TMCC2: variants seen among roughly 807,000 people sequenced by gnomAD.
The protein encoded by TMCC2 is transmembrane and coiled-coil domains protein 2.
Under a neutral mutation model 49.4 loss-of-function variants are expected in TMCC2, and 16 were observed. That is an observed-to-expected ratio of 0.32 (90% CI 0.22 to 0.49). The LOEUF is 0.49. Ranked by LOEUF, TMCC2 falls within the 20% of genes least tolerant of loss-of-function variation. TMCC2 has a pLI of 0.99. For missense variants in TMCC2, 762 were observed against 989.8 expected (o/e 0.77, Z 3.09); for synonymous variants, 397 against 434.1 (o/e 0.91, Z 1.06).
intron 2 of TMCC2, among the ~76,000 whole-genome samples, chr1:205,260,302 C>A (rs1661054292): frequency 6.6e-6 from 1 of 152,176 alleles, no homozygotes; most frequent in Admixed American, 6.5e-5. Context: ...CTGTGATGGT[C>A]TGGAGAGAGG....
At chr1:205,265,780 C>G (rs992918141) in intron 2 of TMCC2, among the ~76,000 whole-genome samples, 1 of 150,774 alleles carries the variant, frequency 6.6e-6, no homozygotes, top group East Asian at 2.0e-4. Flanking sequence ...AGGCTGGTCT[C>G]GAACCCCTGA....
At chr1:205,246,034 C>T (rs938559556) in intron 2 of TMCC2, among the ~76,000 whole-genome samples, 21 of 152,066 alleles carry the variant, frequency 1.4e-4, no homozygotes, top group African/African-American at 5.1e-4. Flanking sequence ...TCCTCAGCCT[C>T]CCGAAGTGCT....
intron 1 of TMCC2, among the ~76,000 whole-genome samples, chr1:205,239,946 T>G (rs1163407611): frequency 1.3e-5 from 2 of 152,178 alleles, no homozygotes; most frequent in African/African-American, 2.4e-5. Flanking sequence ...GGTCTAGATT[T>G]TCTGCTCTGT....
chr1:205,238,854 T>C (rs1203971836), intron 1 of TMCC2, among the ~76,000 whole-genome samples: 1 of 152,242 alleles, frequency 6.6e-6, no homozygotes, highest in Non-Finnish European at 1.5e-5. Context: ...ACACTGATGC[T>C]GTGACATCTC....
chr1:205,242,325 A>G (rs1323227479), intron 2 of TMCC2, among the ~76,000 whole-genome samples: 1 of 152,224 alleles, frequency 6.6e-6, no homozygotes, highest in East Asian at 1.9e-4. Flanking sequence ...TAAATGGGCT[A>G]TCAAGAGGCA....
chr1:205,233,485 G>A (rs1450670492), intron 1 of TMCC2, among the ~76,000 whole-genome samples: 2 of 152,142 alleles, frequency 1.3e-5, no homozygotes, highest in South Asian at 2.1e-4. Context: ...ACTGAGTCCT[G>A]TGTGGTTCTC....
intron 1 of TMCC2, chr1:205,229,562 T>TGGGGGGGGGGGGGGGGGGGGGGGGGGGG (rs1659707258): frequency 2.2e-6 from 1 of 453,360 alleles, no homozygotes; most frequent in Non-Finnish European, 2.4e-6. Context: ...GGGGGGGTGG[T>TGGGGGGGGGGGGGGGGGGGGGGGGGGGG]GGCGGGGGCG....
At chr1:205,244,923 T>A (rs572185337) in intron 2 of TMCC2, among the ~76,000 whole-genome samples, 23 of 151,480 alleles carry the variant, frequency 1.5e-4, no homozygotes, top group Non-Finnish European at 2.9e-4. Context: ...AGTTTACAAT[T>A]TGGGGGGTGG....
intron 2 of TMCC2, among the ~76,000 whole-genome samples, chr1:205,248,436 T>A (rs1220370263): frequency 6.6e-6 from 1 of 152,206 alleles, no homozygotes; most frequent in Non-Finnish European, 1.5e-5. Context: ...CATCTCAGCC[T>A]CGCCATTCTG....
At chr1:205,234,362 C>T (rs554537147) in intron 1 of TMCC2, among the ~76,000 whole-genome samples, 8 of 152,228 alleles carry the variant, frequency 5.3e-5, no homozygotes, top group African/African-American at 1.9e-4. Flanking sequence ...AGGAGAATTG[C>T]TTGAACCTGG....
At chr1:205,260,058 G>A (rs1661042652) in intron 2 of TMCC2, among the ~76,000 whole-genome samples, 1 of 152,190 alleles carries the variant, frequency 6.6e-6, no homozygotes, top group South Asian at 2.1e-4. Flanking sequence ...GGGCATTCTG[G>A]TGTGGAGGGG....
Position 205,228,107 on chromosome 1 carries a change from C to T in TMCC2, c.-458C>T, listed in dbSNP as rs1203224323. The T allele has an allele frequency of 2.0e-5, 3 of 148,966 alleles. No homozygotes were observed. Among genetic ancestry groups the T allele is most frequent in the East Asian group, 2.0e-4 (1 of 5,088 alleles). 9.2% of individuals were successfully genotyped at this position (148,966 alleles called of 1,614,324 possible). Reference sequence around the variant, plus strand: ...CGGTTGCAGGGCCGGGGGCTGCAGCCGGCGCCGATGGCGGCCGACTAGGAC... The same window carrying T: ...CGGTTGCAGGGCCGGGGGCTGCAGCTGGCGCCGATGGCGGCCGACTAGGAC... On this transcript the variant is annotated 5_prime_UTR_variant, in exon 1 of 5. Coordinates refer to ENST00000358024, the MANE Select transcript of TMCC2 (RefSeq NM_014858.4).
chr1:205,259,287 C>T lies in TMCC2; in HGVS notation c.748-9663C>T, dbSNP rs951887422. On this transcript the variant is annotated intron_variant, in intron 2 of 4. Coordinates refer to ENST00000358024, the MANE Select transcript of TMCC2 (RefSeq NM_014858.4). ...AGAAGGCCCCTTTCTCCCTGTCAGCCTGCTGTGGGGACCCTAACGGGTTCT... is the reference window on the plus strand; with the variant it reads ...AGAAGGCCCCTTTCTCCCTGTCAGCTTGCTGTGGGGACCCTAACGGGTTCT... Among the ~76,000 whole-genome samples, 102 of 124,016 alleles carry T rather than the reference C, an allele frequency of 8.2e-4. 1 individual carries two copies. Among genetic ancestry groups the T allele is most frequent in the Admixed American group, 2.4e-4 (3 of 12,286 alleles). 81.4% of individuals were successfully genotyped at this position (124,016 alleles called of 152,430 possible). A position where few individuals can be genotyped will look rare whatever the true frequency, so the allele number is the denominator to read the frequency against.
chr1:205,269,161 T>C lies in TMCC2; in HGVS notation c.959T>C (p.Leu320Pro). Reference sequence around the variant, plus strand: ...GACAATGTGGCAGAGTATCTGAAACTGGCCAACAACGCGGACAAGCAGCAG... The same window carrying C: ...GACAATGTGGCAGAGTATCTGAAACCGGCCAACAACGCGGACAAGCAGCAG... ...RDDNVAEYLK[L>P]ANNADKQQVS... The change falls in exon 3 of 5, where the codon CTG becomes CCG. Residue 320 changes from leucine to proline, a missense_variant. Leu to Pro is a moderately conservative substitution (Grantham distance 98). This residue lies in a region of TMCC2 where 440 missense variants were observed against 636.7 expected (regional missense o/e 0.69). Transcript: ENST00000358024. 6.2e-7 allele frequency: 1 copy of C among 1,614,120 alleles called. No individual in the cohort carries two copies. Among genetic ancestry groups the C allele is most frequent in the Non-Finnish European group, 8.5e-7 (1 of 1,180,026 alleles).
chr1:205,258,049 G>T (rs2102585329), intron 2 of TMCC2, among the ~76,000 whole-genome samples: 1 of 152,244 alleles, frequency 6.6e-6, no homozygotes, highest in East Asian at 1.9e-4. Context: ...TAGATGAGAG[G>T]GATGTCTCCA....
At chr1:205,229,144 T>C (rs1015742083) in intron 1 of TMCC2, 1 of 1,092,422 alleles carries the variant, frequency 9.2e-7, no homozygotes, top group South Asian at 2.7e-5. Flanking sequence ...TCTCTACCCA[T>C]TGGGATCTTT....
At chr1:205,263,202 G>A (rs1236702595) in intron 2 of TMCC2, among the ~76,000 whole-genome samples, 2 of 152,176 alleles carry the variant, frequency 1.3e-5, no homozygotes, top group South Asian at 4.1e-4. Context: ...AGTCTGCATG[G>A]AGACCAGTGA....
In TMCC2 at chr1:205,243,816, G is replaced by C. The variant is rs530948888; in HGVS notation, c.747+1772G>C. On this transcript the variant is annotated intron_variant, in intron 2 of 4. Coordinates refer to ENST00000358024, the MANE Select transcript of TMCC2 (RefSeq NM_014858.4). ...CAGGGCCAGTGCTCTGGGAGCTGGC[G>C]CTGAGGTTGAAATCATGGGTGTGGG... 7.9e-5 allele frequency among the ~76,000 whole-genome samples: 12 copies of C among 152,298 alleles called. No homozygotes were observed. In the East Asian group the frequency reaches 2.3e-3, roughly 29 times the overall value.
intron 2 of TMCC2, chr1:205,256,308 G>A: frequency 6.5e-7 from 1 of 1,549,424 alleles, no homozygotes. Context: ...CGGTGACACT[G>A]CTCACTGCTC....
Sources: gnomAD v4.1 joint callset for allele counts (sites outside exome capture counted in the v4.1 genomes callset) on GRCh38, gnomAD v4.1.1 for gene constraint, gnomAD v4.1.1 regional missense constraint, MANE v1.5 for transcripts, NCBI Gene and HGNC (gene_info 2026-07-23, HGNC 2026-07-21) for gene names.